Variants in ZNF646 observed in about 807,000 individuals in gnomAD.
ZNF646 encodes zinc finger protein 646.
Under a neutral mutation model 115.4 loss-of-function variants are expected in ZNF646, and 49 were observed. The observed-to-expected ratio is 0.42, with a 90% CI of 0.34 to 0.54. ZNF646 has a LOEUF of 0.54. Among genes scored for constraint, ZNF646 ranks in the 20% least tolerant of loss-of-function variants. The probability of loss-of-function intolerance (pLI) is 0.04; values close to 1 mark genes in which losing one functional copy is unlikely to be tolerated. For missense variants in ZNF646, 2,269 were observed against 2,457.9 expected, an observed-to-expected ratio of 0.92 and a Z score of 1.62; for synonymous variants, 933 against 939.0, an observed-to-expected ratio of 0.99 and a Z score of 0.12.
chr16:31,076,494 A>T lies in ZNF646; in HGVS notation c.170A>T (p.Tyr57Phe). The T allele has an allele frequency of 6.2e-7, 1 of 1,613,834 alleles. No homozygotes were observed. The highest frequency in any genetic ancestry group is 8.5e-7 in the Non-Finnish European group (1 of 1,179,974). Residue 57 changes from tyrosine to phenylalanine, a missense_variant, in exon 2 of 3, where the codon TAC (tyrosine) becomes TTC (phenylalanine). Tyr to Phe is a conservative substitution (Grantham distance 22). Around this residue, in one of 5 missense-constraint regions of ZNF646, gnomAD observed 334 missense variants for 323.5 expected, o/e 1.03. Transcript: ENST00000300850. ...CGTTGTCAGCAGTGTGGGCGGGGCTACCGTCACCCCGGGAGCCTGGTTAAC... is the reference window on the plus strand; with the variant it reads ...CGTTGTCAGCAGTGTGGGCGGGGCTTCCGTCACCCCGGGAGCCTGGTTAAC... ...PYRCQQCGRG[Y>F]RHPGSLVNHR...
At chr16:31,082,460 C>T (rs567591633) in intron 2 of ZNF646, 1 of 184,236 alleles carries the variant, frequency 5.4e-6, no homozygotes, top group Non-Finnish European at 1.2e-5. Flanking sequence ...TAATTGTTTC[C>T]TTGAAGTCCA....
intron 2 of ZNF646, chr16:31,082,010 G>T: frequency 2.2e-6 from 1 of 448,034 alleles, no homozygotes; most frequent in South Asian, 7.8e-5. Flanking sequence ...TCAGGGGAAG[G>T]TCACTGGGTA....
At chr16:31,082,808 C>A in intron 2 of ZNF646, 163 bp from the exon 3 acceptor site, 1 of 861,038 alleles carries the variant, frequency 1.2e-6, no homozygotes, top group Non-Finnish European at 1.8e-6. Context: ...GAGGGAGGAG[C>A]CAGTTTGCCA....
In ZNF646 at chr16:31,078,032, G is replaced by A; in HGVS notation, c.1708G>A (p.Asp570Asn). The A allele has an allele frequency of 6.2e-7, 1 of 1,614,172 alleles. No individual in the cohort carries two copies. The highest frequency in any genetic ancestry group is 8.5e-7 in the Non-Finnish European group (1 of 1,180,040). ...EEATDITPAA[D>N]KTAAHICSIC... ...GGCCACGGACATCACCCCAGCAGCA[G>A]ACAAGACAGCAGCACATATCTGTAG... Residue 570 changes from aspartate (D) to asparagine (N), a missense_variant, in exon 2 of 3, where the codon GAC (aspartate) becomes AAC (asparagine). Around this residue, in one of 5 missense-constraint regions of ZNF646, gnomAD observed 852 missense variants for 900.2 expected, o/e 0.95. Transcript: ENST00000300850.
rs1270387145 is a variant in ZNF646 at position 31,080,700 on chromosome 16, C to T, written c.4376C>T (p.Ala1459Val). 1.2e-6 allele frequency: 2 copies of T among 1,613,792 alleles called. No individual in the cohort carries two copies. The highest frequency in any genetic ancestry group is 2.2e-5 in the East Asian group (1 of 44,878). ...GCCCCAGAGCCACTGTCCTGGGGTG[C>T]AGGGAAGGCAGGTGGGTGGCCGGTA... ...SEAPEPLSWG[A>V]GKAGGWPVGG... The change falls in exon 2 of 3, where the codon GCA becomes GTA. Residue 1459 changes from alanine to valine, a missense_variant. Around this residue, in one of 5 missense-constraint regions of ZNF646, gnomAD observed 1,062 missense variants for 1,172.8 expected, o/e 0.91. Transcript: ENST00000300850.
In ZNF646 at chr16:31,082,020, A is replaced by G. The variant is rs982580403; in HGVS notation, c.5377+319A>G. The G allele has an allele frequency of 6.8e-6, 3 of 439,412 alleles. No homozygotes were observed. In the South Asian group the frequency reaches 2.6e-4, roughly 38 times the overall value. The allele number at this position is 439,412 out of a possible 1,614,324, so 27.2% of individuals were successfully genotyped here. On this transcript the variant is annotated intron_variant, in intron 2 of 2. Coordinates refer to ENST00000300850, the MANE Select transcript of ZNF646 (RefSeq NM_014699.4). ...TCTGTTCAGGGGAAGGTCACTGGGT[A>G]CCCCCTGGCTGCTGTGTCTGGAAAC...
At position 31,076,709 on chromosome 16, in the gene ZNF646, C is replaced by T; in HGVS notation, c.385C>T (p.Gln129Ter). 1 of 1,613,612 alleles carries T rather than the reference C, an allele frequency of 6.2e-7. No individual in the cohort carries two copies. The change falls in exon 2 of 3, where the codon CAA becomes TAA. Residue 129 changes from glutamine to a stop codon, truncating the protein, a stop_gained. Transcript: ENST00000300850. LOFTEE classifies it high-confidence loss of function. ...GACGGTGTCCACTGACTCCTGGGGC[C>T]AAAGGCTTGGCTCTAGTGAAGGCTG... ...GETVSTDSWG[Q>*]RLGSSEGWEN...
rs772278899 is a variant in ZNF646, at chr16:31,083,808, G to A, written c.*716G>A. The A allele has an allele frequency of 1.2e-6, 2 of 1,614,044 alleles. No individual in the cohort carries two copies. Among genetic ancestry groups the A allele is most frequent in the Non-Finnish European group, 1.7e-6 (2 of 1,179,908 alleles). On this transcript the variant is annotated 3_prime_UTR_variant, in exon 3 of 3. Coordinates refer to ENST00000300850, the MANE Select transcript of ZNF646 (RefSeq NM_014699.4). ...TCCCCTGTCAGCAGCTGGTTGGTTG[G>A]CCTGTGGGGAAGGAAGGAGGGTGGA... is the stretch of plus-strand genomic sequence containing the variant.
In ZNF646 at chr16:31,080,685, C is replaced by T. The variant is rs369638447; in HGVS notation, c.4361C>T (p.Pro1454Leu). Residue 1454 changes from proline (P) to leucine (L), a missense_variant, in exon 2 of 3, where the codon CCA (proline) becomes CTA (leucine). Physicochemically the swap from Pro to Leu is moderately conservative, Grantham distance 98. This residue lies in a region of ZNF646 where 1,062 missense variants were observed against 1,172.8 expected (regional missense o/e 0.91). Transcript: ENST00000300850. The part of the protein sequence containing the change: ...IRAASSEAPE[P>L]LSWGAGKAGG... Reference sequence around the variant, plus strand: ...GCAGCAAGCTCAGAAGCCCCAGAGCCACTGTCCTGGGGTGCAGGGAAGGCA... The same window carrying T: ...GCAGCAAGCTCAGAAGCCCCAGAGCTACTGTCCTGGGGTGCAGGGAAGGCA... 2.5e-6 allele frequency: 4 copies of T among 1,613,874 alleles called. No homozygotes were observed. In the African/African-American group the frequency reaches 4.0e-5, roughly 16 times the overall value.
chr16:31,078,810 CT>C lies in ZNF646; in HGVS notation c.2489del (p.Phe830SerfsTer8), dbSNP rs1467646256. 6.2e-7 allele frequency: 1 copy of C among 1,613,976 alleles called. No individual in the cohort carries two copies. On this transcript the variant is annotated frameshift_variant, in exon 2 of 3. Transcript: ENST00000300850. LOFTEE classifies it high-confidence loss of function. ...CACACATGCTCTGACTGTGGGCATT[CT>C]TTCCCCCATGCCACTGGCCTGCTGA... ...AAHTCSDCGH[S>X]FPHATGLLSH...
intron 2 of ZNF646, chr16:31,082,231 G>A (rs374856620): frequency 8.3e-5 from 15 of 180,688 alleles, no homozygotes; most frequent in African/African-American, 3.1e-4. Flanking sequence ...CCTACTCCCT[G>A]TCCCTCTTTC....
In ZNF646 at chr16:31,084,024, A is replaced by C; in HGVS notation, c.*932A>C. Reference sequence around the variant, plus strand: ...GTCTGCCTGTTGCTCCACCCTACCCAAGGCAGCTGGAGTGGGTTAGAACGG... The same window carrying C: ...GTCTGCCTGTTGCTCCACCCTACCCCAGGCAGCTGGAGTGGGTTAGAACGG... On this transcript the variant is annotated 3_prime_UTR_variant, in exon 3 of 3. Coordinates refer to ENST00000300850, the MANE Select transcript of ZNF646 (RefSeq NM_014699.4). 6.6e-7 allele frequency: 1 copy of C among 1,503,990 alleles called. No individual in the cohort carries two copies. The highest frequency in any genetic ancestry group is 2.5e-5 in the East Asian group (1 of 40,482). The allele number at this position is 1,503,990 out of a possible 1,614,324, so 93.2% of individuals were successfully genotyped here.
chr16:31,083,045 C>T lies in ZNF646; in HGVS notation c.5452C>T (p.Leu1818=). The part of the protein sequence containing the change: ...PPPPTPTTPL[L]DPSPQWPADL... Reference sequence around the variant, plus strand: ...TCCACCCACCCCCACGACCCCACTCCTGGATCCTTCACCCCAGTGGCCTGC... The same window carrying T: ...TCCACCCACCCCCACGACCCCACTCTTGGATCCTTCACCCCAGTGGCCTGC... The change falls in exon 3 of 3, where the codon CTG becomes TTG. Residue 1818 remains leucine (L), a synonymous_variant. Coordinates refer to ENST00000300850, the MANE Select transcript of ZNF646 (RefSeq NM_014699.4). 3.1e-6 allele frequency: 5 copies of T among 1,602,862 alleles called. No homozygotes were observed. The highest frequency in any genetic ancestry group is 4.3e-6 in the Non-Finnish European group (5 of 1,176,210).
In ZNF646 at chr16:31,079,415, C is replaced by T. The variant is rs1567409483; in HGVS notation, c.3091C>T (p.Pro1031Ser). ...CAAGTCTCAAGAGGGAGCAGGCACC[C>T]CCTTGGGAGACAGCCTCTGCATCCA... ...DAKSQEGAGTPLGDSLCIQGG... is the reference protein window; with the variant it reads ...DAKSQEGAGTSLGDSLCIQGG... The change falls in exon 2 of 3, where the codon CCC (proline) becomes TCC (serine). Residue 1031 changes from proline (P) to serine (S), a missense_variant. Pro to Ser is a moderately conservative substitution (Grantham distance 74). This residue lies in a region of ZNF646 where 1,062 missense variants were observed against 1,172.8 expected (regional missense o/e 0.91). Transcript: ENST00000300850. The surrounding 1 kb of genome is among the most constrained non-coding windows in gnomAD (Gnocchi z 5.5). 10 of 1,614,026 alleles carry T rather than the reference C, an allele frequency of 6.2e-6. No homozygotes were observed. The highest frequency in any genetic ancestry group is 8.5e-6 in the Non-Finnish European group (10 of 1,180,010).
chr16:31,082,649 C>A (rs561243971), intron 2 of ZNF646: 82 of 368,388 alleles, frequency 2.2e-4, no homozygotes, highest in African/African-American at 1.7e-3. Flanking sequence ...AGAGGCGGAC[C>A]CATTCCATCT....
At position 31,078,861 on chromosome 16, in the gene ZNF646, G is replaced by A; in HGVS notation, c.2537G>A (p.Gly846Asp). The change falls in exon 2 of 3, where the codon GGC becomes GAC. Residue 846 changes from glycine to aspartate, a missense_variant. Physicochemically the swap from Gly to Asp is moderately conservative, Grantham distance 94. This residue lies in a region of ZNF646 where 852 missense variants were observed against 900.2 expected (regional missense o/e 0.95). Transcript: ENST00000300850. The stretch of plus-strand genomic sequence containing the variant: ...AGCCACAGGCCCTGCCACCCACCAG[G>A]CATCTATCAGTGCTCCCTCTGCCCG... ...LLSHRPCHPP[G>D]IYQCSLCPKE... 6.2e-7 allele frequency: 1 copy of A among 1,613,990 alleles called. No homozygotes were observed. Among genetic ancestry groups the A allele is most frequent in the Non-Finnish European group, 8.5e-7 (1 of 1,180,036 alleles).
chr16:31,076,719 G>C lies in ZNF646; in HGVS notation c.395G>C (p.Gly132Ala). 6.2e-7 allele frequency: 1 copy of C among 1,613,706 alleles called. No individual in the cohort carries two copies. The highest frequency in any genetic ancestry group is 8.5e-7 in the Non-Finnish European group (1 of 1,180,042). Residue 132 changes from glycine to alanine, a missense_variant, in exon 2 of 3, where the codon GGC becomes GCC. Transcript: ENST00000300850. Reference sequence around the variant, plus strand: ...ACTGACTCCTGGGGCCAAAGGCTTGGCTCTAGTGAAGGCTGGGAAAACCAG... The same window carrying C: ...ACTGACTCCTGGGGCCAAAGGCTTGCCTCTAGTGAAGGCTGGGAAAACCAG... ...VSTDSWGQRL[G>A]SSEGWENQTK...
chr16:31,076,189 A>G, intron 1 of ZNF646, 57 bp from the exon 2 acceptor site: 1 of 1,224,376 alleles, frequency 8.2e-7, no homozygotes, highest in Non-Finnish European at 1.1e-6. Context: ...TTGCTCGTAG[A>G]GCCAAGAGGC....
Position 31,081,252 on chromosome 16 carries a change from A to G in ZNF646, c.4928A>G (p.Glu1643Gly). Reference protein sequence around the residue: ...VVLPGQGKAQEAPSETPRGPG... With the variant: ...VVLPGQGKAQGAPSETPRGPG... ...CTCCCTGGTCAAGGGAAAGCCCAGG[A>G]GGCCCCATCAGAAACCCCCAGAGGC... The change falls in exon 2 of 3, where the codon GAG becomes GGG. Residue 1643 changes from glutamate to glycine, a missense_variant. Transcript: ENST00000300850. 1 of 1,601,914 alleles carries G rather than the reference A, an allele frequency of 6.2e-7. No individual in the cohort carries two copies. The highest frequency in any genetic ancestry group is 8.5e-7 in the Non-Finnish European group (1 of 1,172,984).
Sources: gnomAD v4.1 joint callset for allele counts on GRCh38, gnomAD v4.1.1 for gene constraint, gnomAD v4.1.1 regional missense constraint, Gnocchi (gnomAD v3.1) non-coding constraint, MANE v1.5 for transcripts, NCBI Gene and HGNC (gene_info 2026-07-23, HGNC 2026-07-21) for gene names.